Variants in KIF25 observed in about 807,000 individuals in gnomAD.
KIF25 encodes kinesin-like protein KIF25.
A neutral mutation model predicts 32.9 loss-of-function variants in KIF25; 19 were observed. The observed-to-expected ratio is 0.58, with a 90% CI of 0.40 to 0.85. The LOEUF (loss-of-function observed/expected upper bound fraction) is 0.85, where lower values mean the gene tolerates loss of function less well. Among genes scored for constraint, KIF25 ranks in the 40% least tolerant of loss-of-function variants. KIF25 has a pLI of 0.00. For missense variants in KIF25, 485 were observed against 507.0 expected, an observed-to-expected ratio of 0.96 and a Z score of 0.42; for synonymous variants, 225 against 213.7, an observed-to-expected ratio of 1.05 and a Z score of -0.46.
At chr6:168,034,268 AT>A (rs1033593058) in intron 8 of KIF25, among the ~76,000 whole-genome samples, 8 of 152,040 alleles carry the variant, frequency 5.3e-5, no homozygotes, top group South Asian at 2.1e-4. Flanking sequence ...TTATTTTTAA[AT>A]TTTTTTAGAG....
chr6:168,044,395 GGCTGCTGACCCTCCCGGACCC>G (rs1799185074), intron 12 of KIF25, among the ~76,000 whole-genome samples: 1 of 124,424 alleles, frequency 8.0e-6, no homozygotes, highest in Non-Finnish European at 1.7e-5. Flanking sequence ...GCTAGTGACC[GGCTGCTGACCCTCCCGGACCC>G]GGGTGAGGGG....
At chr6:168,001,883 C>T (rs1188153667) in intron 2 of KIF25, among the ~76,000 whole-genome samples, 2 of 52,888 alleles carry the variant, frequency 3.8e-5, no homozygotes, top group Non-Finnish European at 7.1e-5. Flanking sequence ...ACACCTGAGG[C>T]GTGGCCTCGG....
chr6:168,042,532 C>T (rs769194226), intron 11 of KIF25, 29 bp from the exon 12 acceptor site: 63 of 1,596,612 alleles, frequency 3.9e-5, no homozygotes, highest in African/African-American at 1.2e-4. Context: ...TTGGTGCAAA[C>T]GGTGATGGTG....
intron 10 of KIF25, among the ~76,000 whole-genome samples, 171 bp from the exon 11 acceptor site, chr6:168,041,798 C>T (rs926139562): frequency 6.6e-6 from 1 of 152,218 alleles, no homozygotes; most frequent in Non-Finnish European, 1.5e-5. Context: ...GTGTTTTCCC[C>T]CAGAGAAGCC....
intron 5 of KIF25, among the ~76,000 whole-genome samples, chr6:168,028,010 T>A (rs1337254480): frequency 6.6e-6 from 1 of 152,098 alleles, no homozygotes; most frequent in East Asian, 1.9e-4. Flanking sequence ...GTAAAAAGGC[T>A]GCCAGGTTCC....
chr6:168,038,002 C>T (rs1562391293), intron 8 of KIF25, among the ~76,000 whole-genome samples: 2 of 152,158 alleles, frequency 1.3e-5, no homozygotes, highest in African/African-American at 4.8e-5. Flanking sequence ...GTGTGAGCCA[C>T]CGTGCCTGGC....
chr6:168,025,809 T>C (rs1798852181), intron 5 of KIF25, among the ~76,000 whole-genome samples: 1 of 152,200 alleles, frequency 6.6e-6, no homozygotes, highest in Non-Finnish European at 1.5e-5. Flanking sequence ...AGTATGATCC[T>C]TTCCCCACGC....
intron 6 of KIF25, 171 bp from the exon 7 acceptor site, chr6:168,030,602 A>G (rs9455939): frequency 0.27 from 137,275 of 501,618 alleles, 20,861 homozygotes; most frequent in East Asian, 0.5. Flanking sequence ...ACTCTTTATT[A>G]ACCTCTGTTA....
intron 5 of KIF25, among the ~76,000 whole-genome samples, chr6:168,023,428 C>T (rs763646511): frequency 1.3e-5 from 2 of 152,088 alleles, no homozygotes; most frequent in Admixed American, 6.5e-5. Context: ...CCATCACATC[C>T]GGCTAATTTT....
chr6:168,022,939 G>T (rs1158713228), intron 5 of KIF25, among the ~76,000 whole-genome samples: 1 of 146,462 alleles, frequency 6.8e-6, no homozygotes, highest in African/African-American at 2.4e-5. Context: ...TGGATTCTGT[G>T]CTCACTTGCG....
intron 5 of KIF25, among the ~76,000 whole-genome samples, chr6:168,021,925 C>T (rs1798792846): frequency 6.6e-6 from 1 of 152,228 alleles, no homozygotes; most frequent in African/African-American, 2.4e-5. Context: ...TAAGAGTTTT[C>T]TCTCTGACTT....
chr6:168,003,361 G>T (rs534347808), intron 3 of KIF25, among the ~76,000 whole-genome samples: 1 of 152,186 alleles, frequency 6.6e-6, no homozygotes, highest in East Asian at 1.9e-4. Context: ...AGGACGAGTG[G>T]AGTTTTAGAA....
intron 12 of KIF25, among the ~76,000 whole-genome samples, chr6:168,043,305 T>G (rs1342708621): frequency 6.6e-6 from 1 of 152,140 alleles, no homozygotes; most frequent in Non-Finnish European, 1.5e-5. Flanking sequence ...TCTTCCTGAC[T>G]CAGGGTGCAG....
intron 11 of KIF25, 100 bp downstream of exon 11, chr6:168,042,251 G>A (rs545611039): frequency 3.7e-5 from 46 of 1,252,834 alleles, no homozygotes; most frequent in South Asian, 1.0e-4. Flanking sequence ...AGCTCTGGGC[G>A]AGCCAGGCAT....
intron 8 of KIF25, chr6:168,036,019 C>T (rs1799020811): frequency 1.3e-5 from 4 of 307,366 alleles, no homozygotes; most frequent in South Asian, 8.5e-5. Flanking sequence ...ACCACAATGA[C>T]ATCAGTGCTG....
At position 168,043,068 on chromosome 6, in the gene KIF25, C is replaced by A. The variant is rs982424903; in HGVS notation, c.985+352C>A. On this transcript the variant is annotated intron_variant, in intron 12 of 12. Transcript: ENST00000643607. ...GCCTGGGTCCCTCCGGCTGTGTAGACCTGCTTAGGCCCCAAGTTCCTTGGG... is the reference window on the plus strand; with the variant it reads ...GCCTGGGTCCCTCCGGCTGTGTAGAACTGCTTAGGCCCCAAGTTCCTTGGG... Among the ~76,000 whole-genome samples the A allele has an allele frequency of 5.9e-4, 89 of 152,112 alleles. 1 individual carries two copies. The highest frequency in any genetic ancestry group is 3.9e-4 in the Admixed American group (6 of 15,270).
chr6:168,033,085 G>A (rs568856334), intron 7 of KIF25, among the ~76,000 whole-genome samples: 1 of 152,352 alleles, frequency 6.6e-6, no homozygotes, highest in Admixed American at 6.5e-5. Context: ...TTAGCTAATT[G>A]AGAGTCTTGG....
chr6:168,007,027 C>CA, intron 4 of KIF25, among the ~76,000 whole-genome samples: 1 of 152,170 alleles, frequency 6.6e-6, no homozygotes, highest in Admixed American at 6.5e-5. Flanking sequence ...GTAAAATCGA[C>CA]AAAAATTGTA....
In KIF25 at chr6:168,042,864, G is replaced by A. The variant is rs1464784722; in HGVS notation, c.985+148G>A. ...GCTGTGGCTAGCTGGCACTCCCACG[G>A]CACGGTGGTCATTCTCCTGCGCCGT... is the stretch of plus-strand genomic sequence containing the variant. On this transcript the variant is annotated intron_variant, in intron 12 of 12. Coordinates refer to ENST00000643607, the MANE Select transcript of KIF25 (RefSeq NM_030615.4). 4 of 928,348 alleles carry A rather than the reference G, an allele frequency of 4.3e-6. No homozygotes were observed. In the African/African-American group the frequency reaches 5.1e-5, roughly 12 times the overall value. The allele number at this position is 928,348 out of a possible 1,614,324, so 57.5% of individuals were successfully genotyped here.
Sources: gnomAD v4.1 joint callset for allele counts (sites outside exome capture counted in the v4.1 genomes callset) on GRCh38, gnomAD v4.1.1 for gene constraint, MANE v1.5 for transcripts, NCBI Gene and HGNC (gene_info 2026-07-23, HGNC 2026-07-21) for gene names.